Variants in COX7A2 observed in about 807,000 individuals in gnomAD.
COX7A2 encodes cytochrome c oxidase subunit 7A2.
Under a neutral mutation model 11.6 loss-of-function variants are expected in COX7A2, and 11 were observed. The observed-to-expected ratio is 0.95, with a 90% CI of 0.60 to 1.57. COX7A2 has a LOEUF of 1.57. COX7A2 is among the 40% of genes most tolerant of loss of function. COX7A2 has a pLI of 0.00. For missense variants in COX7A2, 106 were observed against 100.9 expected (o/e 1.05, Z -0.22); for synonymous variants, 30 against 38.2 (o/e 0.78, Z 0.79).
intron 1 of COX7A2, among the ~76,000 whole-genome samples, chr6:75,249,358 G>A (rs936713235): frequency 1.3e-5 from 2 of 152,196 alleles, no homozygotes; most frequent in African/African-American, 4.8e-5. Flanking sequence ...TTGATGTGCT[G>A]CAGAACTGCA....
upstream of COX7A2, among the ~76,000 whole-genome samples, chr6:75,245,814 A>G (rs1324196651): frequency 1.3e-5 from 2 of 152,164 alleles, no homozygotes; most frequent in East Asian, 1.9e-4. Context: ...TTCTCCATCT[A>G]TTAGCAGCAT....
chr6:75,247,120 CA>C (rs1771695942), upstream of COX7A2, among the ~76,000 whole-genome samples: 1 of 152,162 alleles, frequency 6.6e-6, no homozygotes, highest in African/African-American at 2.4e-5. Flanking sequence ...TAAGTCTCGT[CA>C]GTAAGATGGA....
intron 1 of COX7A2, among the ~76,000 whole-genome samples, chr6:75,242,138 T>TGTGGTGA: frequency 6.6e-6 from 1 of 151,738 alleles, no homozygotes; most frequent in East Asian, 1.9e-4. Flanking sequence ...AGGCAGAGGT[T>TGTGGTGA]GTGGTGAGCC....
chr6:75,243,500 C>T (rs1210227480), intron 1 of COX7A2, among the ~76,000 whole-genome samples: 4 of 152,120 alleles, frequency 2.6e-5, no homozygotes, highest in African/African-American at 4.8e-5. Flanking sequence ...CTGGTCACTT[C>T]CCCAGCCTCT....
rs756102667 is a variant in COX7A2 at position 75,241,259 on chromosome 6, G to A, written c.25C>T (p.Arg9Cys). The A allele has an allele frequency of 1.5e-5, 23 of 1,527,238 alleles. No homozygotes were observed. In the South Asian group the frequency reaches 1.8e-4, roughly 12 times the overall value. The allele number at this position is 1,527,238 out of a possible 1,614,324, so 94.6% of individuals were successfully genotyped here. A position where few individuals can be genotyped will look rare whatever the true frequency, so the allele number is the denominator to read the frequency against. The change falls in exon 2 of 4, where the codon CGT becomes TGT. Residue 9 changes from arginine to cysteine, a missense_variant. Arg to Cys is a radical substitution (Grantham distance 180). Coordinates refer to ENST00000684430, the MANE Select transcript of COX7A2 (RefSeq NM_001366293.2). Reference sequence around the variant, plus strand: ...CTTATCGTCCTCTGCCCAATCTGACGAAGAGCCTAAAATGAAAATATTATT... The same window carrying A: ...CTTATCGTCCTCTGCCCAATCTGACAAAGAGCCTAAAATGAAAATATTATT... MLRNLLAL[R>C]QIGQRTISTA...
At chr6:75,245,440 A>G (rs915906445), upstream of COX7A2, among the ~76,000 whole-genome samples, 2 of 151,896 alleles carry the variant, frequency 1.3e-5, no homozygotes, top group Admixed American at 6.6e-5. Context: ...GCAGTGAGCC[A>G]AGATCGCTCC....
chr6:75,245,949 C>T (rs978547912), upstream of COX7A2, among the ~76,000 whole-genome samples: 2 of 152,186 alleles, frequency 1.3e-5, no homozygotes, highest in African/African-American at 4.8e-5. Flanking sequence ...AGTACTCCTT[C>T]GGTGGTTCTC....
upstream of COX7A2, among the ~76,000 whole-genome samples, chr6:75,247,647 G>C (rs1050237089): frequency 2.6e-5 from 4 of 151,590 alleles, no homozygotes; most frequent in African/African-American, 9.7e-5. Context: ...AAGTCCTTAT[G>C]ATAAACAATT....
intron 1 of COX7A2, among the ~76,000 whole-genome samples, chr6:75,243,449 G>A (rs1771585317): frequency 6.6e-6 from 1 of 152,114 alleles, no homozygotes; most frequent in Admixed American, 6.6e-5. Flanking sequence ...AGGGTTAGAG[G>A]TGGTGACTAA....
exon 1 of COX7A2, chr6:75,250,182 TACTA>T (rs930394670): frequency 1.3e-5 from 2 of 152,226 alleles, no homozygotes; most frequent in Non-Finnish European, 2.9e-5. Flanking sequence ...GCTTGGGCCT[TACTA>T]ACTTAGGTTA....
chr6:75,243,746 C>T lies in COX7A2; in HGVS notation c.-12G>A, dbSNP rs1294824966. The T allele has an allele frequency of 6.2e-7, 1 of 1,613,996 alleles. No individual in the cohort carries two copies. The highest frequency in any genetic ancestry group is 8.5e-7 in the Non-Finnish European group (1 of 1,179,894). On this transcript the variant is annotated 5_prime_UTR_variant, in exon 1 of 4. Transcript: ENST00000684430. ...AGATTCCGCAGCATCTTGGCTGTTA[C>T]TGACCAGCAACCGCCACAACTGAAC...
At chr6:75,238,837 ATGGAGTCTCCCTCTGTCGCCCAGGC>A (rs1234550178) in intron 3 of COX7A2, among the ~76,000 whole-genome samples, 11 of 147,932 alleles carry the variant, frequency 7.4e-5, no homozygotes, top group African/African-American at 2.7e-4. Flanking sequence ...TTTTTTTGAG[ATGGAGTCTCCCTCTGTCGCCCAGGC>A]TGGAGTGCAG....
Position 75,243,727 on chromosome 6 carries a change from C to T in COX7A2, c.8G>A (p.Arg3Gln), listed in dbSNP as rs781527752. 6 of 1,613,674 alleles carry T rather than the reference C, an allele frequency of 3.7e-6. No individual in the cohort carries two copies. The African/African-American group carries it at 8.0e-5, about 22-fold the overall frequency. ...TGAGAAGCTCCTCACCAGCAGATTC[C>T]GCAGCATCTTGGCTGTTACTGACCA... ML[R>Q]NLLALRQIGQ... The change falls in exon 1 of 4, where the codon CGG becomes CAG. Residue 3 changes from arginine to glutamine, a missense_variant. Arg to Gln is a conservative substitution (Grantham distance 43, BLOSUM62 1). Transcript: ENST00000684430.
chr6:75,247,782 A>ATT, upstream of COX7A2, among the ~76,000 whole-genome samples: 1 of 152,056 alleles, frequency 6.6e-6, no homozygotes, highest in Non-Finnish European at 1.5e-5. Flanking sequence ...GGTTTTATTT[A>ATT]ACCCTGTATA....
Position 75,237,915 on chromosome 6 carries a change from C to A in COX7A2, c.*15G>T. On this transcript the variant is annotated 3_prime_UTR_variant, in exon 4 of 4. Coordinates refer to ENST00000684430, the MANE Select transcript of COX7A2 (RefSeq NM_001366293.2). ...TGAATGAAACTGAACCAAGCGATTG[C>A]TGGGATGACTGAAGTCACTCCTGCT... 1 of 1,604,168 alleles carries A rather than the reference C, an allele frequency of 6.2e-7. No homozygotes were observed. Among genetic ancestry groups the A allele is most frequent in the Non-Finnish European group, 8.5e-7 (1 of 1,172,660 alleles).
At chr6:75,242,874 CA>C (rs1397552872) in intron 1 of COX7A2, among the ~76,000 whole-genome samples, 2 of 151,382 alleles carry the variant, frequency 1.3e-5, no homozygotes, top group African/African-American at 4.9e-5. Context: ...ACAACAACAA[CA>C]AAAAAAACCC....
At position 75,240,321 on chromosome 6, in the gene COX7A2, G is replaced by A; in HGVS notation, c.173C>T (p.Thr58Ile). The change falls in exon 3 of 4, where the codon ACC (threonine) becomes ATC (isoleucine). Residue 58 changes from threonine (T) to isoleucine (I), a missense_variant. By Grantham distance (89) the Thr-to-Ile change is moderately conservative (BLOSUM62 -1). Transcript: ENST00000684430. ...GVADALLYRA[T>I]MILTVGGTAY... ...CTTACCACCAACTGTAAGAATCATG[G>A]TGGCTCTATACAGGAGGGCATCAGC... 6.2e-7 allele frequency: 1 copy of A among 1,610,118 alleles called. No individual in the cohort carries two copies. The highest frequency in any genetic ancestry group is 8.5e-7 in the Non-Finnish European group (1 of 1,178,692).
intron 1 of COX7A2, among the ~76,000 whole-genome samples, chr6:75,249,327 A>G (rs182676377): frequency 3.5e-4 from 54 of 152,304 alleles, no homozygotes; most frequent in African/African-American, 1.2e-3. Flanking sequence ...ATGATTAACA[A>G]TCTGAATTTG....
chr6:75,247,530 TA>T (rs763112971), upstream of COX7A2, among the ~76,000 whole-genome samples: 1 of 152,332 alleles, frequency 6.6e-6, no homozygotes, highest in East Asian at 1.9e-4. Context: ...GTTGCTATCT[TA>T]GTTGCTGTAT....
Sources: gnomAD v4.1 joint callset for allele counts (sites outside exome capture counted in the v4.1 genomes callset) on GRCh38, gnomAD v4.1.1 for gene constraint, MANE v1.5 for transcripts, NCBI Gene and HGNC (gene_info 2026-07-23, HGNC 2026-07-21) for gene names.